The following GPR33 variants were observed in gnomAD, a reference collection of about 807,000 sequenced individuals.
GPR33 encodes the protein probable G protein-coupled receptor 33.
In GPR33, 4 loss-of-function variants were observed where a neutral mutation model predicts 3.1. That is an observed-to-expected ratio of 1.29 (90% CI 0.64 to 2.96). The LOEUF is 2.96. GPR33 is among the 30% of genes most tolerant of loss of function. The probability of loss-of-function intolerance (pLI) is 0.01; values close to 1 mark genes in which losing one functional copy is unlikely to be tolerated. For synonymous variants in GPR33, 138 were observed against 142.0 expected (o/e 0.97, Z 0.20); for missense variants, 390 against 388.9 (o/e 1.00, Z -0.02).
intron 1 of GPR33, 125 bp from the exon 2 acceptor site, chr14:31,484,096 C>G: frequency 1.4e-6 from 1 of 719,680 alleles, no homozygotes; most frequent in East Asian, 2.8e-5. Context: ...ATTTTAACAG[C>G]AGTAAGCAAA....
At chr14:31,484,951 T>TG (rs2032401967) in intron 1 of GPR33, among the ~76,000 whole-genome samples, 2 of 152,048 alleles carry the variant, frequency 1.3e-5, no homozygotes, top group Admixed American at 1.3e-4. Flanking sequence ...TTTTTTTTTT[T>TG]TTGAGTCAGA....
In GPR33 at chr14:31,483,603, G is replaced by A. The variant is rs1434555753; in HGVS notation, c.363C>T (p.Ala121=). 2 of 1,536,022 alleles carry A rather than the reference G, an allele frequency of 1.3e-6. No individual in the cohort carries two copies. The highest frequency in any genetic ancestry group is 1.7e-6 in the Non-Finnish European group (2 of 1,146,926). Residue 121 remains alanine, a synonymous_variant, in exon 2 of 2, where the codon GCC becomes GCT. Transcript: ENST00000399285. The part of the protein sequence containing the change: ...GMFTSVFFLS[A]IGLDRYLLTL... ...TGAGAAGGTAACGATCAAGACCGAT[G>A]GCCGAAAGGAAGAAAACAGAGGTGA...
At chr14:31,487,284 T>C (rs924394581) in intron 1 of GPR33, among the ~76,000 whole-genome samples, 3 of 152,088 alleles carry the variant, frequency 2.0e-5, no homozygotes, top group Non-Finnish European at 4.4e-5. Context: ...ACCTTTAAAA[T>C]GATGTTAAAG....
chr14:31,483,337 A>T lies in GPR33; in HGVS notation c.629T>A (p.Phe210Tyr). 6.5e-7 allele frequency: 1 copy of T among 1,536,202 alleles called. No homozygotes were observed. The highest frequency in any genetic ancestry group is 1.2e-5 in the South Asian group (1 of 84,064). ...GAAAGGCAGAAGAAAGCCCAGCAAG[A>T]AGCGGCTGATGAAACAGGCCACATG... ...WIHVACFISR[F>Y]LLGFLLPFFI... is the part of the protein sequence containing the mutation. Residue 210 changes from phenylalanine (F) to tyrosine (Y), a missense_variant, in exon 2 of 2, where the codon TTC becomes TAC. Physicochemically the swap from Phe to Tyr is conservative, Grantham distance 22. Coordinates refer to ENST00000399285, the MANE Select transcript of GPR33 (RefSeq NM_001197184.3).
chr14:31,486,457 C>A (rs894277479), intron 1 of GPR33, among the ~76,000 whole-genome samples: 3 of 152,238 alleles, frequency 2.0e-5, no homozygotes, highest in African/African-American at 4.8e-5. Context: ...AAGGGAGTTG[C>A]AAAATTTTTC....
chr14:31,483,643 A>C lies in GPR33; in HGVS notation c.323T>G (p.Leu108Trp). Residue 108 changes from leucine (L) to tryptophan (W), a missense_variant, in exon 2 of 2, where the codon TTG (leucine) becomes TGG (tryptophan). Physicochemically the swap from Leu to Trp is moderately conservative, Grantham distance 61. Transcript: ENST00000399285. ...TALCKVFNGT[L>W]SLGMFTSVFF... ...AACAGAGGTGAACATCCCCAGAGACAAAGTGCCATTGAAGACCTTGCACAA... is the reference window on the plus strand; with the variant it reads ...AACAGAGGTGAACATCCCCAGAGACCAAGTGCCATTGAAGACCTTGCACAA... 1 of 1,536,194 alleles carries C rather than the reference A, an allele frequency of 6.5e-7. No homozygotes were observed. The highest frequency in any genetic ancestry group is 2.4e-5 in the East Asian group (1 of 40,922).
intron 1 of GPR33, among the ~76,000 whole-genome samples, chr14:31,486,731 C>T (rs192348303): frequency 1.2e-3 from 184 of 152,252 alleles, no homozygotes; most frequent in Admixed American, 5.8e-3. Flanking sequence ...TTCTGAGAAG[C>T]AGAAATGACA....
chr14:31,482,940 G>C lies in GPR33; in HGVS notation c.*24C>G, dbSNP rs892366412. The C allele has an allele frequency of 2.7e-6, 4 of 1,474,872 alleles. No homozygotes were observed. In the African/African-American group the frequency reaches 4.3e-5, roughly 16 times the overall value. The allele number at this position is 1,474,872 out of a possible 1,614,324, so 91.4% of individuals were successfully genotyped here. On this transcript the variant is annotated 3_prime_UTR_variant, in exon 2 of 2. Coordinates refer to ENST00000399285, the MANE Select transcript of GPR33 (RefSeq NM_001197184.3). ...AAGTGCGTGTTTGCTTAAGAATCTA[G>C]AATTTAAATTTAGGCTTCTGAGTTT...
intron 1 of GPR33, among the ~76,000 whole-genome samples, chr14:31,486,926 A>G (rs898122123): frequency 2.6e-5 from 4 of 151,866 alleles, no homozygotes; most frequent in Non-Finnish European, 5.9e-5. Flanking sequence ...TGATCAGTGT[A>G]TGTGTATCTC....
intron 1 of GPR33, 57 bp downstream of exon 1, chr14:31,487,840 A>G (rs2032436868): frequency 6.6e-6 from 1 of 152,208 alleles, no homozygotes; most frequent in South Asian, 2.1e-4. Context: ...CAATAAGCCT[A>G]GAGGGTCAAT....
rs1183307023 is a variant in GPR33, at chr14:31,483,672, A to T, written c.294T>A (p.Thr98=). ...QLQDNHWNFG[T]ALCKVFNGTL... ...TGCCATTGAAGACCTTGCACAAGGC[A>T]GTTCCAAAGTTCCAGTGATTGTCTT... is the stretch of plus-strand genomic sequence containing the variant. Residue 98 remains threonine, a synonymous_variant, in exon 2 of 2, where the codon ACT becomes ACA. Transcript: ENST00000399285. The T allele has an allele frequency of 3.3e-6, 5 of 1,536,192 alleles. No homozygotes were observed. Among genetic ancestry groups the T allele is most frequent in the Non-Finnish European group, 4.4e-6 (5 of 1,146,920 alleles).
In GPR33 at chr14:31,484,627, T is replaced by C. The variant is rs774092931; in HGVS notation, c.-6-656A>G. Among the ~76,000 whole-genome samples, 4 of 152,284 alleles carry C rather than the reference T, an allele frequency of 2.6e-5. No individual in the cohort carries two copies. In the South Asian group the frequency reaches 8.3e-4, roughly 32 times the overall value. On this transcript the variant is annotated intron_variant, in intron 1 of 1. Transcript: ENST00000399285. Reference sequence around the variant, plus strand: ...ACGTTAACCAGAAGTCTGACACTTTTTGATGGGCAAAACTTCTTGAATAAG... The same window carrying C: ...ACGTTAACCAGAAGTCTGACACTTTCTGATGGGCAAAACTTCTTGAATAAG...
chr14:31,485,725 T>A (rs1344253812), intron 1 of GPR33, among the ~76,000 whole-genome samples: 1 of 152,106 alleles, frequency 6.6e-6, no homozygotes, highest in Non-Finnish European at 1.5e-5. Context: ...TTCGTAGGGT[T>A]ACATGTCTTA....
At position 31,487,441 on chromosome 14, in the gene GPR33, T is replaced by TTTTG. The variant is rs1555375925; in HGVS notation, c.-7+455_-7+456insCAAA. Among the ~76,000 whole-genome samples the TTTTG allele has an allele frequency of 8.6e-4, 114 of 132,208 alleles. 2 individuals are homozygous for TTTTG. Among genetic ancestry groups the TTTTG allele is most frequent in the Non-Finnish European group, 1.6e-3 (99 of 61,996 alleles). 86.7% of individuals were successfully genotyped at this position (132,208 alleles called of 152,430 possible). On this transcript the variant is annotated intron_variant, in intron 1 of 1. Coordinates refer to ENST00000399285, the MANE Select transcript of GPR33 (RefSeq NM_001197184.3). ...CCTGCTAAGCCCCTCAGTTTTTTTT[T>TTTTG]TTTTTTTTTTTTTTTTCAGATGGAG... is the stretch of plus-strand genomic sequence containing the variant.
Position 31,483,226 on chromosome 14 carries a change from A to G in GPR33, c.740T>C (p.Met247Thr), listed in dbSNP as rs1358033027. Reference protein sequence around the residue: ...LFKSSKPFKVMMTAIISFFVC... With the variant: ...LFKSSKPFKVTMTAIISFFVC... ...AAAGAAAGAGATAATGGCAGTCATCATAACTTTGAAGGGCTTGCTGGATTT... is the reference window on the plus strand; with the variant it reads ...AAAGAAAGAGATAATGGCAGTCATCGTAACTTTGAAGGGCTTGCTGGATTT... Residue 247 changes from methionine (M) to threonine (T), a missense_variant, in exon 2 of 2, where the codon ATG becomes ACG. Physicochemically the swap from Met to Thr is moderately conservative, Grantham distance 81 (BLOSUM62 -1). Coordinates refer to ENST00000399285, the MANE Select transcript of GPR33 (RefSeq NM_001197184.3). The G allele has an allele frequency of 6.5e-7, 1 of 1,536,152 alleles. No individual in the cohort carries two copies. The highest frequency in any genetic ancestry group is 8.7e-7 in the Non-Finnish European group (1 of 1,146,916).
rs2032383168 is a variant in GPR33 at position 31,483,430 on chromosome 14, C to T, written c.536G>A (p.Cys179Tyr). 2.0e-6 allele frequency: 3 copies of T among 1,536,020 alleles called. No individual in the cohort carries two copies. Among genetic ancestry groups the T allele is most frequent in the Non-Finnish European group, 2.6e-6 (3 of 1,146,930 alleles). ...THHDRKGKVT[C>Y]QNNYAVSTNW... The stretch of plus-strand genomic sequence containing the variant: ...AGTAGACACAGCATAGTTATTTTGG[C>T]AAGTCACCTTTCCTTTACGGTCATG... The change falls in exon 2 of 2, where the codon TGC (cysteine) becomes TAC (tyrosine). Residue 179 changes from cysteine to tyrosine, a missense_variant. Transcript: ENST00000399285.
In GPR33 at chr14:31,483,461, T is replaced by C; in HGVS notation, c.505A>G (p.Thr169Ala). 1 of 1,536,140 alleles carries C rather than the reference T, an allele frequency of 6.5e-7. No homozygotes were observed. Among genetic ancestry groups the C allele is most frequent in the East Asian group, 2.4e-5 (1 of 40,918 alleles). The change falls in exon 2 of 2, where the codon ACA (threonine) becomes GCA (alanine). Residue 169 changes from threonine to alanine, a missense_variant. By Grantham distance (58) the Thr-to-Ala change is moderately conservative. Transcript: ENST00000399285. ...ACCTTTCCTTTACGGTCATGATGTG[T>C]CTCTCTGAAAATCAAATAGGGGATG... ...LSIPYLIFRE[T>A]HHDRKGKVTC...
chr14:31,487,432 GTTTTTTTT>G (rs752227440), intron 1 of GPR33, among the ~76,000 whole-genome samples: 7 of 70,378 alleles, frequency 9.9e-5, no homozygotes, highest in African/African-American at 3.4e-4. Context: ...AAGCCCCTCA[GTTTTTTTT>G]TTTTTTTTTT....
At chr14:31,483,995 A>G in intron 1 of GPR33, 24 bp from the exon 2 acceptor site, 1 of 1,465,494 alleles carries the variant, frequency 6.8e-7, no homozygotes, top group Non-Finnish European at 9.0e-7. Flanking sequence ...AACAGTGAAA[A>G]TAACAACAAG....
Sources: gnomAD v4.1 joint callset for allele counts (sites outside exome capture counted in the v4.1 genomes callset) on GRCh38, gnomAD v4.1.1 for gene constraint, MANE v1.5 for transcripts, NCBI Gene and HGNC (gene_info 2026-07-23, HGNC 2026-07-21) for gene names.